Variants in ITPR1 observed in about 807,000 individuals in gnomAD.
ITPR1 encodes the protein inositol 1,4,5-trisphosphate-gated calcium channel ITPR1.
A neutral mutation model predicts 318.4 loss-of-function variants in ITPR1; 96 were observed. The ratio of observed to expected loss-of-function variants is 0.30; its 90% CI spans 0.26 to 0.36. The LOEUF is 0.36. ITPR1 is among the 10% of genes least tolerant of loss of function. The pLI, the probability that ITPR1 is intolerant of heterozygous loss-of-function variation, is 1.00. For synonymous variants in ITPR1, 1,312 were observed against 1,289.9 expected, an observed-to-expected ratio of 1.02 and a Z score of -0.37; for missense variants, 2,440 against 3,460.2, an observed-to-expected ratio of 0.71 and a Z score of 7.40.
chr3:4,496,007 G>A (rs976233345), intron 2 of ITPR1, among the ~76,000 whole-genome samples: 1 of 152,210 alleles, frequency 6.6e-6, no homozygotes, highest in African/African-American at 2.4e-5. Flanking sequence ...ATTTGAGGAG[G>A]TATTAGATAC....
chr3:4,624,956 C>T (rs114775372), intron 4 of ITPR1, among the ~76,000 whole-genome samples: 2,135 of 152,254 alleles, frequency 0.014, 47 homozygotes, highest in African/African-American at 0.049. Flanking sequence ...TAGCAAATGA[C>T]CATGACCTGT....
chr3:4,743,009 G>C (rs575809232), intron 44 of ITPR1, among the ~76,000 whole-genome samples: 1 of 152,334 alleles, frequency 6.6e-6, no homozygotes, highest in Admixed American at 6.5e-5. Context: ...GGTTATTTAG[G>C]TTGGTGCAAA....
intron 61 of ITPR1, among the ~76,000 whole-genome samples, chr3:4,839,893 G>T (rs930383543): frequency 6.6e-6 from 1 of 151,734 alleles, no homozygotes; most frequent in Non-Finnish European, 1.5e-5. Context: ...AATTTGAACT[G>T]TTTTTTTTCT....
At chr3:4,498,919 CAGTGATTCTCCTTAATA>C (rs1420956867) in intron 2 of ITPR1, among the ~76,000 whole-genome samples, 1 of 152,234 alleles carries the variant, frequency 6.6e-6, no homozygotes, top group African/African-American at 2.4e-5. Context: ...AGCTTCACAT[CAGTGATTCTCCTTAATA>C]AGTGAAGTGG....
At chr3:4,583,825 C>T (rs899244311) in intron 4 of ITPR1, among the ~76,000 whole-genome samples, 1 of 152,166 alleles carries the variant, frequency 6.6e-6, no homozygotes, top group Non-Finnish European at 1.5e-5. Flanking sequence ...GAAGAATTCT[C>T]ACCACCCATG....
chr3:4,780,497 G>T (rs544679235), intron 49 of ITPR1, among the ~76,000 whole-genome samples: 1 of 152,210 alleles, frequency 6.6e-6, no homozygotes, highest in Admixed American at 6.5e-5. Flanking sequence ...TTTCAGAGAC[G>T]GTGACATGAG....
intron 28 of ITPR1, 48 bp from the exon 29 acceptor site, chr3:4,684,233 T>C: frequency 7.9e-7 from 1 of 1,264,472 alleles, no homozygotes. Context: ...AAACTGACAG[T>C]AGCCCAAGAG....
intron 4 of ITPR1, among the ~76,000 whole-genome samples, chr3:4,582,457 G>A (rs1430140140): frequency 1.3e-5 from 2 of 152,128 alleles, no homozygotes; most frequent in Non-Finnish European, 2.9e-5. Flanking sequence ...GCGTCCATGT[G>A]TATGCACTCA....
intron 44 of ITPR1, among the ~76,000 whole-genome samples, chr3:4,739,965 AG>A (rs2043579307): frequency 6.6e-6 from 1 of 152,204 alleles, no homozygotes; most frequent in Non-Finnish European, 1.5e-5. Flanking sequence ...TCTGAGAAAC[AG>A]TGTTTCAAGA....
intron 13 of ITPR1, 45 bp downstream of exon 13, chr3:4,658,323 T>A: frequency 6.6e-7 from 1 of 1,525,106 alleles, no homozygotes; most frequent in Non-Finnish European, 9.0e-7. Flanking sequence ...AGGCCTGGTG[T>A]AGGTGGCCTG....
At chr3:4,602,327 C>T (rs953771832) in intron 4 of ITPR1, among the ~76,000 whole-genome samples, 4 of 151,952 alleles carry the variant, frequency 2.6e-5, no homozygotes, top group Non-Finnish European at 5.9e-5. Context: ...TGAGACTAGC[C>T]TAGGCAACAT....
intron 3 of ITPR1, among the ~76,000 whole-genome samples, chr3:4,518,843 G>A (rs1330258174): frequency 6.6e-6 from 1 of 152,188 alleles, no homozygotes; most frequent in East Asian, 1.9e-4. Context: ...GCTGAGATGG[G>A]AGGATCCTTT....
At chr3:4,615,092 T>C (rs2092332111) in intron 4 of ITPR1, among the ~76,000 whole-genome samples, 1 of 152,328 alleles carries the variant, frequency 6.6e-6, no homozygotes, top group African/African-American at 2.4e-5. Context: ...GCCAGGTCCA[T>C]GTGTGGGAAC....
rs1300058523 is a variant in ITPR1 at position 4,690,488 on chromosome 3, G to GGAAGGTA, written c.3829-653_3829-652insGGTAGAA. Among the ~76,000 whole-genome samples the GGAAGGTA allele has an allele frequency of 6.6e-5, 10 of 152,252 alleles. No individual in the cohort carries two copies. In the South Asian group the frequency reaches 1.5e-3, roughly 22 times the overall value. ...AGTGTTGACAAGGATAGGAACAGCTGGAATGTAGAATGCAACTTGTTAACA... is the reference window on the plus strand; with the variant it reads ...AGTGTTGACAAGGATAGGAACAGCTGGAAGGTAGAATGTAGAATGCAACTTGTTAACA... On this transcript the variant is annotated intron_variant, in intron 31 of 61. Transcript: ENST00000649015.
intron 44 of ITPR1, among the ~76,000 whole-genome samples, chr3:4,753,574 C>T (rs2044713911): frequency 1.3e-5 from 2 of 152,042 alleles, no homozygotes; most frequent in Non-Finnish European, 2.9e-5. Context: ...CTGCTGGGGA[C>T]CAGACTCGGC....
At chr3:4,733,634 C>T (rs557127464) in intron 43 of ITPR1, among the ~76,000 whole-genome samples, 11 of 152,262 alleles carry the variant, frequency 7.2e-5, no homozygotes, top group African/African-American at 2.4e-4. Flanking sequence ...TTCCTAAGTG[C>T]ATTGCATTCT....
intron 4 of ITPR1, among the ~76,000 whole-genome samples, chr3:4,582,289 C>G (rs1575601961): frequency 6.6e-6 from 1 of 152,082 alleles, no homozygotes; most frequent in Non-Finnish European, 1.5e-5. Flanking sequence ...AAAGAAACCG[C>G]TGGTTAATTT....
At chr3:4,705,969 C>G (rs1409912839) in intron 36 of ITPR1, among the ~76,000 whole-genome samples, 198 bp from the exon 37 acceptor site, 1 of 152,168 alleles carries the variant, frequency 6.6e-6, no homozygotes, top group Admixed American at 6.5e-5. Flanking sequence ...TGCTTCCCCC[C>G]AGAATTCACA....
chr3:4,536,547 G>C (rs1258163565), intron 4 of ITPR1, among the ~76,000 whole-genome samples: 1 of 152,174 alleles, frequency 6.6e-6, no homozygotes, highest in East Asian at 1.9e-4. Flanking sequence ...TGCCCTTAAG[G>C]AATTTGCAAT....
Sources: gnomAD v4.1 joint callset for allele counts (sites outside exome capture counted in the v4.1 genomes callset) on GRCh38, gnomAD v4.1.1 for gene constraint, MANE v1.5 for transcripts, NCBI Gene and HGNC (gene_info 2026-07-23, HGNC 2026-07-21) for gene names.